Variants in LANCL3 observed in about 807,000 individuals in gnomAD.
LANCL3 encodes lanC-like protein 3.
LANCL3 carries 19 observed loss-of-function variants against 26.5 expected under a neutral mutation model. The observed-to-expected ratio is 0.72, with a 90% CI of 0.50 to 1.05. LANCL3 has a LOEUF of 1.05. Among genes scored for constraint, LANCL3 ranks in the 50% least tolerant of loss-of-function variants. The probability of loss-of-function intolerance (pLI) is 0.00; values close to 1 mark genes in which losing one functional copy is unlikely to be tolerated. For missense variants in LANCL3, 318 were observed against 362.7 expected, an observed-to-expected ratio of 0.88 and a Z score of 1.00; for synonymous variants, 160 against 166.6, an observed-to-expected ratio of 0.96 and a Z score of 0.30.
rs782802179 is a variant in LANCL3, at chrX:37,619,946, T to G, written c.574-35742T>G. ...AGTTCACATCTCTTCTTCAGAGCAT[T>G]TTTCTCCCTCAGTGTGGATGCCCCA... On this transcript the variant is annotated intron_variant, in intron 1 of 4. Transcript: ENST00000378619. Among the ~76,000 whole-genome samples, 3 of 112,475 alleles carry G rather than the reference T, an allele frequency of 2.7e-5. No individual in the cohort carries two copies. The East Asian group carries it at 8.4e-4, about 31-fold the overall frequency.
chrX:37,666,483 A>G (rs1033497718), intron 3 of LANCL3, among the ~76,000 whole-genome samples: 3 of 112,420 alleles, frequency 2.7e-5, no homozygotes, highest in Admixed American at 9.5e-5. Flanking sequence ...TAGTCAAGAT[A>G]CCAGCTATAT....
rs1926928061 is a variant in LANCL3 at position 37,681,225 on chromosome X, C to T, written c.*5412C>T. On this transcript the variant is annotated 3_prime_UTR_variant, in exon 5 of 5. Transcript: ENST00000378619. ...ATTTTAATAATGTATTTGACTTAGC[C>T]TTATATATCCAAAATGATAGCATTT... 1 of 112,319 alleles carries T rather than the reference C, an allele frequency of 8.9e-6. No homozygotes were observed. The highest frequency in any genetic ancestry group is 3.2e-5 in the African/African-American group (1 of 30,914). 9.3% of individuals were successfully genotyped at this position (112,319 alleles called of 1,213,427 possible).
In LANCL3 at chrX:37,647,662, G is replaced by A. The variant is rs145028563; in HGVS notation, c.574-8026G>A. Among the ~76,000 whole-genome samples the A allele has an allele frequency of 3.6e-3, 402 of 112,229 alleles. 3 individuals are homozygous for A. Among genetic ancestry groups the A allele is most frequent in the African/African-American group, 0.011 (356 of 30,975 alleles). On this transcript the variant is annotated intron_variant, in intron 1 of 4. Coordinates refer to ENST00000378619, the MANE Select transcript of LANCL3 (RefSeq NM_001170331.2). ...TGCAGATGGGCACTCAGGGCATTTT[G>A]GACTCTTGCATGATAATGTTGGTGG...
chrX:37,622,956 A>C (rs782159681), intron 1 of LANCL3, among the ~76,000 whole-genome samples: 80 of 112,362 alleles, frequency 7.1e-4, no homozygotes, highest in African/African-American at 2.2e-3. Context: ...AATTCACTAA[A>C]CACCACTTCA....
intron 2 of LANCL3, among the ~76,000 whole-genome samples, chrX:37,658,578 C>T (rs1195902826): frequency 3.6e-5 from 4 of 112,214 alleles, no homozygotes; most frequent in African/African-American, 1.3e-4. Context: ...CTCACAGACA[C>T]ACCCAGAAGT....
chrX:37,582,406 A>G (rs1209944553), intron 1 of LANCL3, among the ~76,000 whole-genome samples: 32 of 112,047 alleles, frequency 2.9e-4, no homozygotes, highest in Admixed American at 4.7e-4. Flanking sequence ...CCAACAGTGT[A>G]AAAGTGTTCC....
At chrX:37,630,060 T>C (rs782165736) in intron 1 of LANCL3, among the ~76,000 whole-genome samples, 1 of 112,059 alleles carries the variant, frequency 8.9e-6, no homozygotes, top group South Asian at 3.8e-4. Context: ...ATTTTCACGA[T>C]ATTGATTCTT....
intron 1 of LANCL3, among the ~76,000 whole-genome samples, chrX:37,591,232 G>T (rs1210690213): frequency 9.9e-5 from 11 of 111,618 alleles, no homozygotes; most frequent in Non-Finnish European, 2.1e-4. Context: ...ATAGATTTAA[G>T]TCAGGTAATC....
intron 1 of LANCL3, among the ~76,000 whole-genome samples, chrX:37,651,786 G>A (rs997839473): frequency 9.2e-6 from 1 of 108,908 alleles, no homozygotes; most frequent in Non-Finnish European, 1.9e-5. Flanking sequence ...AGTGTGTGAT[G>A]TTCCCCTTCC....
intron 1 of LANCL3, among the ~76,000 whole-genome samples, chrX:37,617,145 A>T (rs1015074378): frequency 2.7e-5 from 3 of 110,359 alleles, no homozygotes; most frequent in Non-Finnish European, 3.8e-5. Context: ...AGAGAGAGAG[A>T]TTGACTGATT....
At chrX:37,669,799 A>G (rs187681280) in intron 4 of LANCL3, among the ~76,000 whole-genome samples, 37 of 112,223 alleles carry the variant, frequency 3.3e-4, no homozygotes, top group African/African-American at 1.1e-3. Flanking sequence ...GGATCTTGCT[A>G]TGTTGCCCAG....
At position 37,675,678 on chromosome X, in the gene LANCL3, G is replaced by C; in HGVS notation, c.1128G>C (p.Glu376Asp). Residue 376 changes from glutamate (E) to aspartate (D), a missense_variant, in exon 5 of 5, where the codon GAG becomes GAC. Physicochemically the swap from Glu to Asp is conservative, Grantham distance 45. Transcript: ENST00000378619. ...GGTTTGCTCAATTCTTATTTACCGA[G>C]GAATTCAAGGCCGGTTCTCGGGTCC... Reference protein sequence around the residue: ...AQRFAQFLFTEEFKAGSRVLE... With the variant: ...AQRFAQFLFTDEFKAGSRVLE... The C allele has an allele frequency of 8.8e-7, 1 of 1,141,783 alleles. No individual in the cohort carries two copies. The highest frequency in any genetic ancestry group is 1.2e-6 in the Non-Finnish European group (1 of 860,250). The allele number at this position is 1,141,783 out of a possible 1,213,427, so 94.1% of individuals were successfully genotyped here.
At chrX:37,639,281 A>G (rs1161716093) in intron 1 of LANCL3, among the ~76,000 whole-genome samples, 1 of 102,486 alleles carries the variant, frequency 9.8e-6, no homozygotes, top group Admixed American at 1.1e-4. Flanking sequence ...ACATGTATAT[A>G]TGTGTGTGTA....
chrX:37,635,456 C>T (rs1556425264), intron 1 of LANCL3, among the ~76,000 whole-genome samples: 2 of 111,299 alleles, frequency 1.8e-5, no homozygotes, highest in Non-Finnish European at 3.8e-5. Flanking sequence ...TTAACATGTT[C>T]TCCCCCCAAA....
chrX:37,625,743 TTCAGTACCTCAGTGTTC>T (rs1925295932), intron 1 of LANCL3, among the ~76,000 whole-genome samples: 1 of 111,380 alleles, frequency 9.0e-6, no homozygotes, highest in Admixed American at 9.5e-5. Flanking sequence ...CAAGCTACTT[TTCAGTACCTCAGTGTTC>T]TCATCTGCAA....
intron 1 of LANCL3, among the ~76,000 whole-genome samples, chrX:37,634,426 C>T (rs1268385560): frequency 8.8e-6 from 1 of 113,026 alleles, no homozygotes; most frequent in Non-Finnish European, 1.9e-5. Context: ...TGCTTCGGCT[C>T]GCACATGGTG....
Position 37,675,639 on chromosome X carries a change from T to G in LANCL3, c.1104-15T>G. Reference sequence around the variant, plus strand: ...ACACTCATGTTAAACTGTTCATATTTTCTTCTTCTCTTAGGTTTGCTCAAT... The same window carrying G: ...ACACTCATGTTAAACTGTTCATATTGTCTTCTTCTCTTAGGTTTGCTCAAT... On this transcript the variant is annotated splice_polypyrimidine_tract_variant and intron_variant, in intron 4 of 4. Transcript: ENST00000378619. 1 of 1,083,364 alleles carries G rather than the reference T, an allele frequency of 9.2e-7. No individual in the cohort carries two copies. The allele number at this position is 1,083,364 out of a possible 1,213,427, so 89.3% of individuals were successfully genotyped here.
At chrX:37,586,678 T>A (rs1281855736) in intron 1 of LANCL3, among the ~76,000 whole-genome samples, 1 of 111,925 alleles carries the variant, frequency 8.9e-6, no homozygotes, top group Non-Finnish European at 1.9e-5. Context: ...CTACACTAGT[T>A]GTTCTAGTTA....
intron 1 of LANCL3, among the ~76,000 whole-genome samples, chrX:37,629,385 C>T (rs1556423692): frequency 9.2e-6 from 1 of 108,780 alleles, no homozygotes; most frequent in Non-Finnish European, 1.9e-5. Context: ...AAATTTTCTC[C>T]CATTTTGTAG....
Sources: gnomAD v4.1 joint callset for allele counts (sites outside exome capture counted in the v4.1 genomes callset) on GRCh38, gnomAD v4.1.1 for gene constraint, MANE v1.5 for transcripts, NCBI Gene and HGNC (gene_info 2026-07-23, HGNC 2026-07-21) for gene names.